The following HTR3A variants were observed in gnomAD, a reference collection of about 807,000 sequenced individuals.
HTR3A encodes the protein 5-hydroxytryptamine (serotonin) receptor 3A, ionotropic.
A neutral mutation model predicts 54.8 loss-of-function variants in HTR3A; 45 were observed. The ratio of observed to expected loss-of-function variants is 0.82; its 90% confidence interval spans 0.65 to 1.05. The LOEUF is 1.05. Ranked by LOEUF, HTR3A falls within the 50% of genes least tolerant of loss-of-function variation. The probability of loss-of-function intolerance (pLI) is 0.00; values close to 1 mark genes in which losing one functional copy is unlikely to be tolerated. For synonymous variants in HTR3A, 297 were observed against 256.0 expected (o/e 1.16, Z -1.53); for missense variants, 657 against 614.0 (o/e 1.07, Z -0.74).
At chr11:113,983,559 CG>C (rs1336788602) in intron 5 of HTR3A, among the ~76,000 whole-genome samples, 1 of 152,076 alleles carries the variant, frequency 6.6e-6, no homozygotes, top group African/African-American at 2.4e-5. Flanking sequence ...TTCATGTGTG[CG>C]TATATATACA....
Position 113,977,884 on chromosome 11 carries a change from G to GTATC in HTR3A, c.182_185dup (p.Asp64HisfsTer2), listed in dbSNP as rs1297384288. 2 of 1,614,066 alleles carry GTATC rather than the reference G, an allele frequency of 1.2e-6. No individual in the cohort carries two copies. The highest frequency in any genetic ancestry group is 2.7e-5 in the African/African-American group (2 of 74,914). On this transcript the variant is annotated frameshift_variant, in exon 2 of 9. Transcript: ENST00000504030. LOFTEE classifies it high-confidence loss of function. ...GAGGGACTGGAGGAAGCCAACCACC[G>GTATC]TATCCATTGACGTCATTGTCTATGC...
chr11:113,986,210 A>G (rs1321909554), intron 6 of HTR3A, 35 bp downstream of exon 6: 1 of 1,612,576 alleles, frequency 6.2e-7, no homozygotes, highest in Non-Finnish European at 8.5e-7. Flanking sequence ...AATGGTGAAT[A>G]AAGCTTCACA....
chr11:113,976,040 C>T (rs769138701), intron 1 of HTR3A, among the ~76,000 whole-genome samples: 14 of 152,128 alleles, frequency 9.2e-5, no homozygotes, highest in Non-Finnish European at 1.6e-4. Flanking sequence ...ACAAAGGGAC[C>T]GGCTTCCTTT....
intron 8 of HTR3A, among the ~76,000 whole-genome samples, chr11:113,988,570 C>A (rs1268461065): frequency 1.3e-5 from 2 of 152,146 alleles, no homozygotes; most frequent in African/African-American, 2.4e-5. Flanking sequence ...TCGAGACCAG[C>A]CTGACTAACA....
At chr11:113,987,135 G>A in intron 8 of HTR3A, 89 bp downstream of exon 8, 2 of 1,390,566 alleles carry the variant, frequency 1.4e-6, no homozygotes, top group South Asian at 2.4e-5. Flanking sequence ...GCCTGCCAAG[G>A]AGGTGCTGTA....
At chr11:113,979,315 C>G (rs1435293340) in intron 3 of HTR3A, 38 bp downstream of exon 3, 1 of 1,504,758 alleles carries the variant, frequency 6.6e-7, no homozygotes, top group African/African-American at 1.4e-5. Context: ...CGTTACCCAT[C>G]CTCCTGGGAA....
intron 5 of HTR3A, among the ~76,000 whole-genome samples, chr11:113,985,722 T>A (rs1565581922): frequency 6.6e-6 from 1 of 152,120 alleles, no homozygotes; most frequent in Non-Finnish European, 1.5e-5. Context: ...TGTTTGTGTG[T>A]GTGTGTGTGA....
chr11:113,985,919 T>G (rs1196476880), intron 5 of HTR3A, 96 bp from the exon 6 acceptor site: 21 of 1,312,672 alleles, frequency 1.6e-5, no homozygotes, highest in Non-Finnish European at 2.1e-5. Context: ...GGATATCAGC[T>G]CCCCTTAATT....
chr11:113,981,100 CCA>C, intron 3 of HTR3A, 101 bp from the exon 4 acceptor site: 1 of 753,014 alleles, frequency 1.3e-6, no homozygotes, highest in Non-Finnish European at 2.4e-6. Context: ...AGGAAGATGC[CCA>C]CCTGTTGCCT....
At chr11:113,984,268 C>A (rs1950461319) in intron 5 of HTR3A, among the ~76,000 whole-genome samples, 1 of 152,120 alleles carries the variant, frequency 6.6e-6, no homozygotes, top group South Asian at 2.1e-4. Flanking sequence ...GTCCTCTCCC[C>A]ACCTCTGTCA....
At chr11:113,976,663 G>T (rs372983582) in intron 1 of HTR3A, among the ~76,000 whole-genome samples, 1 of 144,368 alleles carries the variant, frequency 6.9e-6, no homozygotes, top group African/African-American at 2.6e-5. Flanking sequence ...AGCTTATCAG[G>T]GAAAAGGGGG....
intron 4 of HTR3A, among the ~76,000 whole-genome samples, chr11:113,982,759 C>T (rs1309981316): frequency 3.9e-5 from 6 of 152,304 alleles, no homozygotes; most frequent in East Asian, 1.9e-4. Flanking sequence ...GCAGGACTGG[C>T]GATCCTGGGA....
At chr11:113,987,904 C>T (rs746630535) in intron 8 of HTR3A, among the ~76,000 whole-genome samples, 5 of 152,216 alleles carry the variant, frequency 3.3e-5, no homozygotes, top group East Asian at 1.9e-4. Context: ...ATTCACTGAA[C>T]ATTTTGTGCC....
In HTR3A at chr11:113,981,186, C is replaced by T. The variant is rs759559858; in HGVS notation, c.265-17C>T. On this transcript the variant is annotated splice_polypyrimidine_tract_variant and intron_variant, in intron 3 of 8. Coordinates refer to ENST00000504030, the MANE Select transcript of HTR3A (RefSeq NM_000869.6). ...GATGGAGGGGGCTGCCTGTGACCAT[C>T]CCTGCTCCTCCCCTAGTACTGGACT... 1 of 1,518,112 alleles carries T rather than the reference C, an allele frequency of 6.6e-7. No homozygotes were observed. Among genetic ancestry groups the T allele is most frequent in the African/African-American group, 1.4e-5 (1 of 73,260 alleles). 94.0% of individuals were successfully genotyped at this position (1,518,112 alleles called of 1,614,324 possible).
At chr11:113,979,925 C>G (rs961395483) in intron 3 of HTR3A, among the ~76,000 whole-genome samples, 2 of 152,172 alleles carry the variant, frequency 1.3e-5, no homozygotes, top group South Asian at 4.1e-4. Flanking sequence ...GGACAGCTCA[C>G]AGAGGTCATG....
chr11:113,984,791 G>T (rs892339640), intron 5 of HTR3A, among the ~76,000 whole-genome samples: 1 of 152,114 alleles, frequency 6.6e-6, no homozygotes, highest in Non-Finnish European at 1.5e-5. Flanking sequence ...AGTGGCAGGC[G>T]CCTGTAATCC....
chr11:113,979,871 G>T (rs1400960469), intron 3 of HTR3A, among the ~76,000 whole-genome samples: 4 of 152,172 alleles, frequency 2.6e-5, no homozygotes, highest in Non-Finnish European at 5.9e-5. Context: ...AGTCAGAGCA[G>T]AGGAGAAACT....
intron 1 of HTR3A, among the ~76,000 whole-genome samples, chr11:113,975,696 T>C (rs1950343216): frequency 6.6e-6 from 1 of 152,186 alleles, no homozygotes. Flanking sequence ...CTCTCCTTTT[T>C]GTCCTTTCCC....
chr11:113,988,519 T>C (rs930678983), intron 8 of HTR3A, among the ~76,000 whole-genome samples: 1 of 152,152 alleles, frequency 6.6e-6, no homozygotes, highest in Non-Finnish European at 1.5e-5. Flanking sequence ...TCCCAGCACT[T>C]TGGGAGGCCA....
Sources: allele counts gnomAD v4.1 joint callset (sites outside exome capture counted in the v4.1 genomes callset), GRCh38; gene constraint gnomAD v4.1.1; transcripts MANE v1.5; gene names NCBI Gene and HGNC (gene_info 2026-07-23, HGNC 2026-07-21).